Variants in CACNA1A observed in about 807,000 individuals in gnomAD.
The protein encoded by CACNA1A is calcium voltage-gated channel subunit alpha1 A, also known as voltage-dependent P/Q-type calcium channel subunit alpha-1A.
In CACNA1A, 57 loss-of-function variants were observed where a neutral mutation model predicts 262.4. That is an observed-to-expected ratio of 0.22 (90% CI 0.18 to 0.27). CACNA1A has a LOEUF of 0.27. Ranked by LOEUF, CACNA1A falls within the 10% of genes least tolerant of loss-of-function variation. The pLI is 1.00. For missense variants in CACNA1A, 2,526 were observed against 3,562.8 expected, an observed-to-expected ratio of 0.71 and a Z score of 7.41; for synonymous variants, 1,431 against 1,419.3, an observed-to-expected ratio of 1.01 and a Z score of -0.18.
rs1248327304 is a variant in CACNA1A, at chr19:13,300,584, T to C, written c.2245A>G (p.Ser749Gly). The change falls in exon 18 of 47, where the codon AGT (serine) becomes GGT (glycine). Residue 749 changes from serine to glycine, a missense_variant. By Grantham distance (56) the Ser-to-Gly change is moderately conservative. Coordinates refer to ENST00000360228, the MANE Select transcript of CACNA1A (RefSeq NM_001127222.2). ...GACATGTTGGCCGCGGACAGAGGACTCACTTCTGCCACCTCCTTGGCTTTC... is the reference window on the plus strand; with the variant it reads ...GACATGTTGGCCGCGGACAGAGGACCCACTTCTGCCACCTCCTTGGCTTTC... ...LQKAKEVAEV[S>G]PLSAANMSIA... 1 of 1,613,802 alleles carries C rather than the reference T, an allele frequency of 6.2e-7. No individual in the cohort carries two copies. Among genetic ancestry groups the C allele is most frequent in the African/African-American group, 1.3e-5 (1 of 75,036 alleles).
Position 13,259,332 on chromosome 19 carries a change from TTTTTTTTTTTG to T in CACNA1A, c.4388+221_4388+231del, listed in dbSNP as rs1215096539. ...GGCAGCTTTTTTTTTTTTTTTTTTT[TTTTTTTTTTTG>T]GGATTTTTAGTAGAAATGGAGTTTT... On this transcript the variant is annotated intron_variant, in intron 27 of 46. Transcript: ENST00000360228. The T allele has an allele frequency of 2.3e-4, 25 of 107,142 alleles. 1 individual carries two copies. Among genetic ancestry groups the T allele is most frequent in the African/African-American group, 4.2e-4 (12 of 28,532 alleles). The allele number at this position is 107,142 out of a possible 1,614,324, so 6.6% of individuals were successfully genotyped here. A position where few individuals can be genotyped will look rare whatever the true frequency, so the allele number is the denominator to read the frequency against.
intron 10 of CACNA1A, among the ~76,000 whole-genome samples, chr19:13,318,472 G>T (rs1286320355): frequency 2.0e-5 from 3 of 152,126 alleles, no homozygotes; most frequent in African/African-American, 7.2e-5. Context: ...GGGAGCCGTG[G>T]AGGGTTCTGA....
At chr19:13,477,768 G>C (rs1464274419) in intron 1 of CACNA1A, among the ~76,000 whole-genome samples, 1 of 152,206 alleles carries the variant, frequency 6.6e-6, no homozygotes, top group Non-Finnish European at 1.5e-5. Context: ...AGTGGCCTCT[G>C]AGTAACACAG....
rs747680827 is a variant in CACNA1A, at chr19:13,208,875, G to A, written c.6661C>T (p.Pro2221Ser). Residue 2221 changes from proline to serine, a missense_variant, in exon 46 of 47, where the codon CCG (proline) becomes TCG (serine). Pro to Ser is a moderately conservative substitution (Grantham distance 74). Coordinates refer to ENST00000360228, the MANE Select transcript of CACNA1A (RefSeq NM_001127222.2). ...GCATAGCGGTCCTTGTCGGGGGGCG[G>A]GGGATGGTGGTGGTGGTGGTGGTGG... ...HHHHHHHHHP[P>S]PPDKDRYAQE... 2 of 1,518,218 alleles carry A rather than the reference G, an allele frequency of 1.3e-6. No individual in the cohort carries two copies. Among genetic ancestry groups the A allele is most frequent in the Non-Finnish European group, 1.8e-6 (2 of 1,132,138 alleles). 94.0% of individuals were successfully genotyped at this position (1,518,218 alleles called of 1,614,324 possible). A position where few individuals can be genotyped will look rare whatever the true frequency, so the allele number is the denominator to read the frequency against.
chr19:13,223,802 C>T (rs989154848), intron 38 of CACNA1A, among the ~76,000 whole-genome samples: 3 of 152,160 alleles, frequency 2.0e-5, no homozygotes. Context: ...CCCCATCCAT[C>T]TAAAGTGTAA....
Position 13,207,172 on chromosome 19 carries a change from G to A in CACNA1A, c.*141C>T. The A allele has an allele frequency of 2.1e-6, 2 of 937,998 alleles. No homozygotes were observed. The highest frequency in any genetic ancestry group is 3.0e-6 in the Non-Finnish European group (2 of 676,266). 58.1% of individuals were successfully genotyped at this position (937,998 alleles called of 1,614,324 possible). A position where few individuals can be genotyped will look rare whatever the true frequency, so the allele number is the denominator to read the frequency against. Reference sequence around the variant, plus strand: ...GGGACACCCTTGTGGCCCAGCCCTGGCCTCTCCAGAGTCTGGGGTCTCCCG... The same window carrying A: ...GGGACACCCTTGTGGCCCAGCCCTGACCTCTCCAGAGTCTGGGGTCTCCCG... On this transcript the variant is annotated 3_prime_UTR_variant, in exon 47 of 47. Transcript: ENST00000360228. This position sits in a 1 kb window ranked among gnomAD's most constrained non-coding sequence, Gnocchi z 5.7.
chr19:13,361,220 A>G (rs1224729890), intron 5 of CACNA1A, among the ~76,000 whole-genome samples: 3 of 152,160 alleles, frequency 2.0e-5, no homozygotes, highest in African/African-American at 4.8e-5. Flanking sequence ...TTTCTCCCCA[A>G]ATAGCAGGAG....
chr19:13,213,671 A>ATTTTT, intron 40 of CACNA1A: 1 of 72,192 alleles, frequency 1.4e-5, no homozygotes, highest in Non-Finnish European at 2.6e-5. Context: ...CTTGGCAAGA[A>ATTTTT]CTTTTTTTTT....
chr19:13,433,460 CAAAAAAAAA>C (rs533297364), intron 3 of CACNA1A, among the ~76,000 whole-genome samples: 2 of 76,224 alleles, frequency 2.6e-5, no homozygotes, highest in African/African-American at 5.7e-5. Context: ...GACGCTGTCT[CAAAAAAAAA>C]AAAAAAAAAA....
rs1312504984 is a variant in CACNA1A at position 13,231,822 on chromosome 19, G to A, written c.5288C>T (p.Ser1763Phe). 1 of 1,613,826 alleles carries A rather than the reference G, an allele frequency of 6.2e-7. No homozygotes were observed. Among genetic ancestry groups the A allele is most frequent in the Non-Finnish European group, 8.5e-7 (1 of 1,179,748 alleles). The change falls in exon 35 of 47, where the codon TCC becomes TTC. Residue 1763 changes from serine to phenylalanine, a missense_variant. Physicochemically the swap from Ser to Phe is radical, Grantham distance 155 (BLOSUM62 -2). Around this residue, in one of 17 missense-constraint regions of CACNA1A, gnomAD observed 39 missense variants for 124.9 expected, o/e 0.31. Transcript: ENST00000360228. ...TGEAWHNIML[S>F]CLSGKPCDKN... is the part of the protein sequence containing the mutation. Reference sequence around the variant, plus strand: ...ATCACACGGTTTCCCGCTGAGGCAGGAAAGCATGATGTTGTGCCAAGCTTC... The same window carrying A: ...ATCACACGGTTTCCCGCTGAGGCAGAAAAGCATGATGTTGTGCCAAGCTTC...
At chr19:13,219,918 C>T (rs190019444) in intron 38 of CACNA1A, among the ~76,000 whole-genome samples, 164 of 149,158 alleles carry the variant, frequency 1.1e-3, no homozygotes, top group African/African-American at 3.8e-3. Context: ...CCACTGCACT[C>T]CAGCCTGGGT....
chr19:13,235,061 A>G, intron 33 of CACNA1A, 25 bp from the exon 34 acceptor site: 3 of 1,575,280 alleles, frequency 1.9e-6, no homozygotes, highest in African/African-American at 2.7e-5. Context: ...GGTGACGACC[A>G]GGGGCTGCCA....
In CACNA1A at chr19:13,207,881, TGCTGCTGCTGCTGCTGCG is replaced by T. The variant is rs2144492291; in HGVS notation, c.6935_6952del (p.Pro2312_Gln2317del). On this transcript the variant is annotated inframe_deletion, in exon 47 of 47. Coordinates refer to ENST00000360228, the MANE Select transcript of CACNA1A (RefSeq NM_001127222.2). This position sits in a 1 kb window ranked among gnomAD's most constrained non-coding sequence, Gnocchi z 5.7. ...CGCCTGCTGCTGCTGCTGCTGCTGC[TGCTGCTGCTGCTGCTGCG>T]GGGGCCCCGAGCCGCCGGCCTTACG... 2.3e-6 allele frequency: 3 copies of T among 1,311,270 alleles called. No individual in the cohort carries two copies. Among genetic ancestry groups the T allele is most frequent in the South Asian group, 3.1e-5 (2 of 65,340 alleles). 81.2% of individuals were successfully genotyped at this position (1,311,270 alleles called of 1,614,324 possible).
At chr19:13,406,651 A>G (rs866914348) in intron 3 of CACNA1A, among the ~76,000 whole-genome samples, 2 of 149,996 alleles carry the variant, frequency 1.3e-5, no homozygotes, top group East Asian at 2.0e-4. Flanking sequence ...TCTGTACCCA[A>G]TTTGCCCTTT....
chr19:13,502,298 A>G lies in CACNA1A; in HGVS notation c.293+3634T>C, dbSNP rs895308945. ...AAACCGGATGAAAAGCTGGAATTCT[A>G]CGTGTAATTCAGGCAACTGTGCGTG... On this transcript the variant is annotated intron_variant, in intron 1 of 46. Coordinates refer to ENST00000360228, the MANE Select transcript of CACNA1A (RefSeq NM_001127222.2). 3.8e-4 allele frequency among the ~76,000 whole-genome samples: 58 copies of G among 152,300 alleles called. 1 individual carries two copies. Among genetic ancestry groups the G allele is most frequent in the African/African-American group, 1.4e-3 (57 of 41,560 alleles).
In CACNA1A at chr19:13,285,165, C is replaced by T; in HGVS notation, c.3595G>A (p.Glu1199Lys). 4 of 1,613,972 alleles carry T rather than the reference C, an allele frequency of 2.5e-6. No individual in the cohort carries two copies. Among genetic ancestry groups the T allele is most frequent in the Non-Finnish European group, 3.4e-6 (4 of 1,179,880 alleles). ...TCTTCCTCCTCCTCCTTCTTCTCTT[C>T]CTCTTTTTTTGGCAGTGGGTCTGGG... ...ANPDPLPKKE[E>K]EKKEEEEDDR... is the part of the protein sequence containing the mutation. Residue 1199 changes from glutamate (E) to lysine (K), a missense_variant, in exon 21 of 47, where the codon GAA (glutamate) becomes AAA (lysine). By Grantham distance (56) the Glu-to-Lys change is moderately conservative. This residue lies in a region of CACNA1A where 765 missense variants were observed against 748.6 expected (regional missense o/e 1.02). Transcript: ENST00000360228.
At chr19:13,318,906 T>TTTTTTTTTTTTTTTA (rs2058188178) in intron 10 of CACNA1A, among the ~76,000 whole-genome samples, 4 of 149,376 alleles carry the variant, frequency 2.7e-5, no homozygotes, top group Admixed American at 6.7e-5. Flanking sequence ...TTTTTTTTTT[T>TTTTTTTTTTTTTTTA]GAGACAGGAT....
chr19:13,227,902 CCTT>C (rs1318666286), intron 36 of CACNA1A, among the ~76,000 whole-genome samples: 3 of 81,714 alleles, frequency 3.7e-5, no homozygotes, highest in South Asian at 4.4e-4. Context: ...TTGTTCATTG[CCTT>C]TTTTTTTTTT....
chr19:13,365,217 C>T (rs1466625898), intron 5 of CACNA1A, 100 bp downstream of exon 5: 1 of 1,054,686 alleles, frequency 9.5e-7, no homozygotes, highest in African/African-American at 1.6e-5. Flanking sequence ...GACGGTCCTC[C>T]CAGCTGCCAG....
Sources: gnomAD v4.1 joint callset for allele counts (sites outside exome capture counted in the v4.1 genomes callset) on GRCh38, gnomAD v4.1.1 for gene constraint, gnomAD v4.1.1 regional missense constraint, Gnocchi (gnomAD v3.1) non-coding constraint, MANE v1.5 for transcripts, NCBI Gene and HGNC (gene_info 2026-07-23, HGNC 2026-07-21) for gene names.